GALK1: variants seen among roughly 807,000 people sequenced by gnomAD.
GALK1 encodes the protein galactokinase 1.
In GALK1, 30 loss-of-function variants were observed where a neutral mutation model predicts 38.6. That is an observed-to-expected ratio of 0.78 (90% confidence interval 0.58 to 1.05). GALK1 has a LOEUF of 1.05. Ranked by LOEUF, GALK1 falls within the 50% of genes least tolerant of loss-of-function variation. The probability of loss-of-function intolerance (pLI) is 0.00; values close to 1 mark genes in which losing one functional copy is unlikely to be tolerated. For synonymous variants in GALK1, 240 were observed against 233.6 expected (o/e 1.03, Z -0.25); for missense variants, 512 against 540.5 (o/e 0.95, Z 0.52).
downstream of GALK1, chr17:75,754,603 T>C (rs200989039): frequency 5.6e-6 from 9 of 1,613,724 alleles, no homozygotes; most frequent in East Asian, 8.9e-5. Context: ...CGGATGGACT[T>C]TGCCTTCCCG....
At chr17:75,754,661 C>T, downstream of GALK1, 3 of 1,613,986 alleles carry the variant, frequency 1.9e-6, no homozygotes, top group Non-Finnish European at 2.5e-6. Flanking sequence ...GTGCTGCTGC[C>T]TATGGCACCC....
chr17:75,756,920 CT>C, downstream of GALK1: 1 of 1,612,366 alleles, frequency 6.2e-7, no homozygotes, highest in East Asian at 2.2e-5. Flanking sequence ...GCCGCAGACG[CT>C]GAAGGCATCT....
chr17:75,756,850 CAAG>C (rs777044389), downstream of GALK1: 12 of 1,612,296 alleles, frequency 7.4e-6, no homozygotes, highest in East Asian at 2.5e-4. Context: ...TGAGATGGCC[CAAG>C]GAGGAGGTGC....
Position 75,762,652 on chromosome 17 carries a change from G to A in GALK1, c.793+52C>T, listed in dbSNP as rs533962508. 4.8e-5 allele frequency: 77 copies of A among 1,596,154 alleles called. No homozygotes were observed. In the East Asian group the frequency reaches 7.1e-4, roughly 15 times the overall value. ...GGCAGGGTCAAGGCCACACTGAGGC[G>A]CCAGCAGGGAGCACAGCCGCCTCCA... On this transcript the variant is annotated intron_variant, in intron 5 of 7. Coordinates refer to ENST00000588479, the MANE Select transcript of GALK1 (RefSeq NM_000154.2).
intron 1 of GALK1, chr17:75,764,515 T>C (rs1159266444): frequency 8.0e-6 from 4 of 500,386 alleles, no homozygotes; most frequent in Admixed American, 6.7e-5. Context: ...AAGAACCTGC[T>C]GTGTGACCTC....
chr17:75,762,578 G>T, intron 5 of GALK1, 126 bp downstream of exon 5: 2 of 1,016,306 alleles, frequency 2.0e-6, no homozygotes, highest in South Asian at 2.6e-5. Context: ...CGCAGTGTTT[G>T]AAGGGACTGG....
downstream of GALK1, chr17:75,754,778 C>G (rs8669): frequency 0.47 from 755,317 of 1,613,648 alleles, 182,550 homozygotes; most frequent in Non-Finnish European, 0.49. Context: ...CCACACTGCC[C>G]AGGGACTACT....
chr17:75,757,600 C>T (rs200901360), downstream of GALK1: 87 of 1,611,750 alleles, frequency 5.4e-5, no homozygotes, highest in Non-Finnish European at 6.3e-5. Context: ...GGCGTCCTCC[C>T]GACTCCTCTC....
rs1278859045 is a variant in GALK1 at position 75,763,439 on chromosome 17, G to C, written c.356C>G (p.Ala119Gly). The change falls in exon 3 of 8, where the codon GCT becomes GGT. Residue 119 changes from alanine (A) to glycine (G), a missense_variant and splice_region_variant. Physicochemically the swap from Ala to Gly is moderately conservative, Grantham distance 60 (BLOSUM62 0). Coordinates refer to ENST00000588479, the MANE Select transcript of GALK1 (RefSeq NM_000154.2). ...YVKGVIQYYP[A>G]APLPGFSAVV... ...TGCACTGAAGCCAGGGAGGGGGGCA[G>C]CTGCAGGGGAAAGAACAGGTGATGG... is the stretch of plus-strand genomic sequence containing the variant. 2 of 1,593,838 alleles carry C rather than the reference G, an allele frequency of 1.3e-6. No individual in the cohort carries two copies. Among genetic ancestry groups the C allele is most frequent in the Non-Finnish European group, 1.7e-6 (2 of 1,170,592 alleles).
At chr17:75,755,026 C>A, downstream of GALK1, 1 of 1,586,398 alleles carries the variant, frequency 6.3e-7, no homozygotes, top group Non-Finnish European at 8.6e-7. Flanking sequence ...ACTCCCTGCT[C>A]CTCTCACTCT....
At chr17:75,752,687 T>G in intron 8 of GALK1, 169 of 1,398,322 alleles carry the variant, frequency 1.2e-4, no homozygotes, top group Middle Eastern at 1.8e-4. Flanking sequence ...ACATGGAGGT[T>G]AAGGCAGCCT....
At chr17:75,752,626 C>T in intron 8 of GALK1, 1 of 1,609,288 alleles carries the variant, frequency 6.2e-7, no homozygotes, top group African/African-American at 1.3e-5. Context: ...GTCTTGGGTA[C>T]AGAGTGAGTC....
rs754593748 is a variant in GALK1, at chr17:75,762,840, G to A, written c.657C>T (p.Ala219=). ...SLVPLSDPKL[A]VLITNSNVRH... is the part of the protein sequence containing the mutation. ...GGACATTAGAGTTGGTGATGAGCAC[G>A]GCCAGCTTGGGGTCCGAGAGTGGCA... Residue 219 remains alanine (A), a synonymous_variant, in exon 5 of 8, where the codon GCC becomes GCT. Coordinates refer to ENST00000588479, the MANE Select transcript of GALK1 (RefSeq NM_000154.2). The A allele has an allele frequency of 3.0e-5, 48 of 1,613,494 alleles. No homozygotes were observed. Among genetic ancestry groups the A allele is most frequent in the Admixed American group, 2.8e-4 (17 of 60,002 alleles).
chr17:75,757,513 A>G, downstream of GALK1: 1 of 1,613,270 alleles, frequency 6.2e-7, no homozygotes, highest in Non-Finnish European at 8.5e-7. Flanking sequence ...CCACCAGCGG[A>G]ACCCTTAGCA....
At chr17:75,757,655 A>G (rs746207022), downstream of GALK1, 13 of 1,519,092 alleles carry the variant, frequency 8.6e-6, no homozygotes, top group Non-Finnish European at 1.2e-5. Context: ...CTGGGGGCCC[A>G]GCCCACCCGC....
chr17:75,757,383 A>G (rs1185474945), downstream of GALK1: 1 of 1,612,954 alleles, frequency 6.2e-7, no homozygotes, highest in East Asian at 2.2e-5. Context: ...GGCAGACCCC[A>G]AGCCAGGTCA....
chr17:75,754,711 C>T (rs749661501), downstream of GALK1: 4 of 1,614,046 alleles, frequency 2.5e-6, no homozygotes, highest in Admixed American at 5.0e-5. Flanking sequence ...CTAAGCACAT[C>T]CTCCACCCTC....
chr17:75,753,943 G>T, downstream of GALK1: 1 of 1,273,896 alleles, frequency 7.8e-7, no homozygotes, highest in Non-Finnish European at 9.8e-7. Flanking sequence ...GCGGCAGCCT[G>T]CCCCGCAGTG....
downstream of GALK1, chr17:75,755,288 A>C (rs925997946): frequency 1.3e-6 from 2 of 1,482,940 alleles, no homozygotes; most frequent in African/African-American, 2.8e-5. Context: ...AGCAGCCGCC[A>C]GCTGTGCCCA....
Sources: gnomAD v4.1 joint callset for allele counts on GRCh38, gnomAD v4.1.1 for gene constraint, MANE v1.5 for transcripts, NCBI Gene and HGNC (gene_info 2026-07-23, HGNC 2026-07-21) for gene names.